CDKN2C: variants seen among roughly 807,000 people sequenced by gnomAD.
CDKN2C encodes the protein cyclin-dependent kinase 4 inhibitor C.
Under a neutral mutation model 11.0 loss-of-function variants are expected in CDKN2C, and 5 were observed. That is an observed-to-expected ratio of 0.45 (90% CI 0.24 to 0.95). The LOEUF is 0.95. Among genes scored for constraint, CDKN2C ranks in the 40% least tolerant of loss-of-function variants. The pLI, the probability that CDKN2C is intolerant of heterozygous loss-of-function variation, is 0.21. For missense variants in CDKN2C, 161 were observed against 211.9 expected (o/e 0.76, Z 1.49); for synonymous variants, 79 against 88.3 (o/e 0.89, Z 0.59).
At chr1:50,963,152 C>G (rs549495218) in intron 1 of CDKN2C, among the ~76,000 whole-genome samples, 1 of 152,342 alleles carries the variant, frequency 6.6e-6, no homozygotes, top group African/African-American at 2.4e-5. Flanking sequence ...TTTCTCCTTT[C>G]TAATTACTGC....
intron 1 of CDKN2C, among the ~76,000 whole-genome samples, chr1:50,972,481 G>A (rs887487287): frequency 6.6e-6 from 1 of 151,898 alleles, no homozygotes; most frequent in African/African-American, 2.4e-5. Flanking sequence ...AAAAAAGATA[G>A]AACGACTTTG....
chr1:50,964,569 G>A (rs1485939155), intron 1 of CDKN2C, among the ~76,000 whole-genome samples: 1 of 152,172 alleles, frequency 6.6e-6, no homozygotes, highest in Non-Finnish European at 1.5e-5. Context: ...TAGTGATTTA[G>A]TGTTGTTTAG....
At chr1:50,972,131 A>G (rs187935908) in intron 1 of CDKN2C, among the ~76,000 whole-genome samples, 51 of 152,262 alleles carry the variant, frequency 3.3e-4, no homozygotes, top group Admixed American at 7.8e-4. Context: ...TATCAGGTTA[A>G]TATCAAAGGC....
Position 50,972,594 on chromosome 1 carries a change from C to A in CDKN2C, c.130-1299C>A, listed in dbSNP as rs184937751. Among the ~76,000 whole-genome samples the A allele has an allele frequency of 2.8e-3, 427 of 151,728 alleles. 1 individual carries two copies. Among genetic ancestry groups the A allele is most frequent in the Non-Finnish European group, 4.6e-3 (314 of 67,862 alleles). Reference sequence around the variant, plus strand: ...TGGATATACCTAGATATAAATAAACCAGTGTAAATTCTGAAAATGTGTGGC... The same window carrying A: ...TGGATATACCTAGATATAAATAAACAAGTGTAAATTCTGAAAATGTGTGGC... On this transcript the variant is annotated intron_variant, in intron 1 of 1. Coordinates refer to ENST00000371761, the MANE Select transcript of CDKN2C (RefSeq NM_078626.3).
rs980823161 is a variant in CDKN2C at position 50,974,612 on chromosome 1, A to G, written c.*342A>G. ...TGGTTTGTCCTGATGCTTTTGTCTAATTAAAACACTTTCAAAACAGGACAA... is the reference window on the plus strand; with the variant it reads ...TGGTTTGTCCTGATGCTTTTGTCTAGTTAAAACACTTTCAAAACAGGACAA... On this transcript the variant is annotated 3_prime_UTR_variant, in exon 2 of 2. Transcript: ENST00000371761. 1.1e-5 allele frequency: 3 copies of G among 267,994 alleles called. No individual in the cohort carries two copies. The highest frequency in any genetic ancestry group is 2.1e-5 in the Non-Finnish European group (3 of 140,664). The allele number at this position is 267,994 out of a possible 1,614,324, so 16.6% of individuals were successfully genotyped here. A position where few individuals can be genotyped will look rare whatever the true frequency, so the allele number is the denominator to read the frequency against.
chr1:50,965,891 G>T (rs77301770), upstream of CDKN2C, among the ~76,000 whole-genome samples: 91 of 152,106 alleles, frequency 6.0e-4, no homozygotes, highest in East Asian at 0.016. Context: ...ACAACAAAAA[G>T]GAAAACTTTG....
At chr1:50,969,630 C>G (rs576333899), upstream of CDKN2C, 1 of 153,512 alleles carries the variant, frequency 6.5e-6, no homozygotes, top group East Asian at 1.8e-4. This position sits in a 1 kb window ranked among gnomAD's most constrained non-coding sequence, Gnocchi z 6.6. Flanking sequence ...TTGGCCCGGA[C>G]GCGACCAAAG....
rs370011426 is a variant in CDKN2C, at chr1:50,971,891, T to A, written c.129+1394T>A. ...CTAACACCCACTTATTGTGGCTTAG[T>A]CCTTGTACATATAACGAAACACACA... On this transcript the variant is annotated intron_variant, in intron 1 of 1. Transcript: ENST00000371761. 1.8e-4 allele frequency among the ~76,000 whole-genome samples: 28 copies of A among 152,300 alleles called. No individual in the cohort carries two copies. The South Asian group carries it at 4.6e-3, about 25-fold the overall frequency.
chr1:50,969,674 C>T (rs1445613686), upstream of CDKN2C: 1 of 158,652 alleles, frequency 6.3e-6, no homozygotes, highest in Non-Finnish European at 1.4e-5. This position sits in a 1 kb window ranked among gnomAD's most constrained non-coding sequence, Gnocchi z 6.6. Context: ...ACTGGGCAAT[C>T]GTTACGACCT....
upstream of CDKN2C, chr1:50,969,220 C>G (rs1333632491): frequency 6.5e-6 from 1 of 153,186 alleles, no homozygotes; most frequent in African/African-American, 2.4e-5. The surrounding 1 kb of genome is among the most constrained non-coding windows in gnomAD (Gnocchi z 6.6). Context: ...TTTCCCAGGA[C>G]TCTCCCCATC....
chr1:50,970,131 C>T, upstream of CDKN2C: 1 of 563,496 alleles, frequency 1.8e-6, no homozygotes, highest in South Asian at 2.0e-5. Context: ...GCTAAAAAAG[C>T]GAGGCGAGGA....
In CDKN2C at chr1:50,973,984, T is replaced by C. The variant is rs777633368; in HGVS notation, c.221T>C (p.Ile74Thr). 7 of 1,614,252 alleles carry C rather than the reference T, an allele frequency of 4.3e-6. No homozygotes were observed. The highest frequency in any genetic ancestry group is 3.3e-4 in the Middle Eastern group (2 of 6,062). The change falls in exon 2 of 2, where the codon ATT becomes ACT. Residue 74 changes from isoleucine to threonine, a missense_variant. Transcript: ENST00000371761. ...AAAGACCGAACTGGTTTCGCTGTCA[T>C]TCATGATGCGGCCAGAGCAGGTTTC... ...DLKDRTGFAV[I>T]HDAARAGFLD...
chr1:50,970,554 G>C (rs746085484), intron 1 of CDKN2C, 57 bp downstream of exon 1: 9 of 1,597,740 alleles, frequency 5.6e-6, no homozygotes, highest in Admixed American at 1.7e-5. Flanking sequence ...CGTGACCCGG[G>C]TTTCTAGATT....
At position 50,971,388 on chromosome 1, in the gene CDKN2C, G is replaced by A. The variant is rs1645379724; in HGVS notation, c.129+891G>A. 2.0e-5 allele frequency among the ~76,000 whole-genome samples: 3 copies of A among 152,216 alleles called. No individual in the cohort carries two copies. In the South Asian group the frequency reaches 6.2e-4, roughly 31 times the overall value. ...GCTGTTTTTGAAAACCCAGTGGGGA[G>A]AGGGTTTTTAGAGGGCTTTGTTTCG... On this transcript the variant is annotated intron_variant, in intron 1 of 1. Transcript: ENST00000371761.
intron 1 of CDKN2C, among the ~76,000 whole-genome samples, chr1:50,963,835 G>A (rs1013907763): frequency 3.3e-5 from 5 of 152,132 alleles, no homozygotes; most frequent in South Asian, 2.1e-4. Context: ...GTCCATGCAC[G>A]AGCAAAGAAA....
chr1:50,974,205 G>C lies in CDKN2C; in HGVS notation c.442G>C (p.Gly148Arg). Residue 148 changes from glycine (G) to arginine (R), a missense_variant, in exon 2 of 2, where the codon GGG becomes CGG. Physicochemically the swap from Gly to Arg is moderately radical, Grantham distance 125. Coordinates refer to ENST00000371761, the MANE Select transcript of CDKN2C (RefSeq NM_078626.3). ...CGCCTGTGATTTGGCCAGGCTCTAT[G>C]GGAGGAATGAGGTTGTTAGCCTGAT... is the stretch of plus-strand genomic sequence containing the variant. ...DTACDLARLYGRNEVVSLMQA... is the reference protein window; with the variant it reads ...DTACDLARLYRRNEVVSLMQA... The C allele has an allele frequency of 6.2e-7, 1 of 1,608,366 alleles. No homozygotes were observed. Among genetic ancestry groups the C allele is most frequent in the East Asian group, 2.2e-5 (1 of 44,786 alleles).
Position 50,973,559 on chromosome 1 carries a change from G to A in CDKN2C, c.130-334G>A, listed in dbSNP as rs3176470. Reference sequence around the variant, plus strand: ...CCATTTCTGTTATTTTAATAAATTCGTGAAATTACACAACTCTTCATGGAA... The same window carrying A: ...CCATTTCTGTTATTTTAATAAATTCATGAAATTACACAACTCTTCATGGAA... On this transcript the variant is annotated intron_variant, in intron 1 of 1. Coordinates refer to ENST00000371761, the MANE Select transcript of CDKN2C (RefSeq NM_078626.3). Among the ~76,000 whole-genome samples, 375 of 152,252 alleles carry A rather than the reference G, an allele frequency of 2.5e-3. 3 individuals carry two copies. Among genetic ancestry groups the A allele is most frequent in the African/African-American group, 8.5e-3 (355 of 41,540 alleles).
chr1:50,964,820 C>A (rs1645339510), intron 1 of CDKN2C, among the ~76,000 whole-genome samples: 1 of 152,048 alleles, frequency 6.6e-6, no homozygotes, highest in Non-Finnish European at 1.5e-5. Context: ...CTTTGGGAGG[C>A]CAAGGTGGGC....
At chr1:50,966,571 T>A (rs1485752179), upstream of CDKN2C, among the ~76,000 whole-genome samples, 1 of 152,180 alleles carries the variant, frequency 6.6e-6, no homozygotes, top group Non-Finnish European at 1.5e-5. Context: ...CCCTTGAATC[T>A]GCTGTAGTGA....
Sources: allele counts gnomAD v4.1 joint callset (sites outside exome capture counted in the v4.1 genomes callset), GRCh38; gene constraint gnomAD v4.1.1; non-coding constraint Gnocchi (gnomAD v3.1); transcripts MANE v1.5; gene names NCBI Gene and HGNC (gene_info 2026-07-23, HGNC 2026-07-21).